Variants in MORC2 observed in about 807,000 individuals in gnomAD.
MORC2 encodes MORC family CW-type zinc finger 2, also known as ATPase MORC2.
Under a neutral mutation model 136.0 loss-of-function variants are expected in MORC2, and 30 were observed. The ratio of observed to expected loss-of-function variants is 0.22; its 90% CI spans 0.17 to 0.30. The LOEUF is 0.30. MORC2 is among the 10% of genes least tolerant of loss of function. MORC2 has a pLI of 1.00. For missense variants in MORC2, 922 were observed against 1,333.1 expected (o/e 0.69, Z 4.80); for synonymous variants, 439 against 487.0 (o/e 0.90, Z 1.30).
chr22:30,955,097 T>TAG (rs1024975184), intron 3 of MORC2, among the ~76,000 whole-genome samples: 12 of 152,078 alleles, frequency 7.9e-5, no homozygotes, highest in Non-Finnish European at 1.5e-4. Context: ...TAGCTGGGAT[T>TAG]AGAGGCATGC....
At chr22:30,962,531 G>A (rs1306576405) in intron 1 of MORC2, among the ~76,000 whole-genome samples, 2 of 151,444 alleles carry the variant, frequency 1.3e-5, no homozygotes, top group Non-Finnish European at 2.9e-5. Context: ...AGAAGCGAGG[G>A]TTGCAGTGAG....
chr22:30,967,595 AG>A, intron 1 of MORC2: 1 of 1,349,762 alleles, frequency 7.4e-7, no homozygotes, highest in Non-Finnish European at 9.5e-7. Context: ...GTTTGCATTT[AG>A]AAAATTTTGA....
intron 4 of MORC2, among the ~76,000 whole-genome samples, chr22:30,950,145 C>T (rs1340428272): frequency 6.6e-6 from 1 of 152,186 alleles, no homozygotes; most frequent in East Asian, 1.9e-4. Flanking sequence ...GACAGGTAAT[C>T]TGATTGACTT....
At chr22:30,963,362 A>G in intron 1 of MORC2, 1 of 968,198 alleles carries the variant, frequency 1.0e-6, no homozygotes, top group Non-Finnish European at 1.2e-6. Context: ...TTTTTTGAAA[A>G]TTCGTTCACT....
chr22:30,948,834 T>C (rs565915372), intron 5 of MORC2, among the ~76,000 whole-genome samples: 8 of 152,262 alleles, frequency 5.3e-5, no homozygotes, highest in South Asian at 4.1e-4. Context: ...GCCTGGCACA[T>C]GGTAAGTGTC....
At chr22:30,950,353 C>CCCAAAAAAAAAAAAA in intron 4 of MORC2, 24 bp downstream of exon 4, 8 of 1,481,900 alleles carry the variant, frequency 5.4e-6, no homozygotes, top group Admixed American at 1.7e-5. Context: ...CCCCACCCCC[C>CCCAAAAAAAAAAAAA]AAAACAATAA....
In MORC2 at chr22:30,956,885, T is replaced by C. The variant is rs914761557; in HGVS notation, c.123-88A>G. 9 of 1,102,306 alleles carry C rather than the reference T, an allele frequency of 8.2e-6. No homozygotes were observed. The South Asian group carries it at 9.3e-5, about 11-fold the overall frequency. 68.3% of individuals were successfully genotyped at this position (1,102,306 alleles called of 1,614,324 possible). A position where few individuals can be genotyped will look rare whatever the true frequency, so the allele number is the denominator to read the frequency against. On this transcript the variant is annotated intron_variant, in intron 2 of 25. Coordinates refer to ENST00000397641, the MANE Select transcript of MORC2 (RefSeq NM_001303256.3). ...AGTGATTTGAGTAGAATGCAGAGTATTTTGAGTCTGTTTTCAGGAAGCCAT... is the reference window on the plus strand; with the variant it reads ...AGTGATTTGAGTAGAATGCAGAGTACTTTGAGTCTGTTTTCAGGAAGCCAT...
Position 30,967,846 on chromosome 22 carries a change from G to A in MORC2, c.44C>T (p.Thr15Ile). 6.4e-7 allele frequency: 1 copy of A among 1,551,162 alleles called. No homozygotes were observed. The highest frequency in any genetic ancestry group is 8.7e-7 in the Non-Finnish European group (1 of 1,147,088). The change falls in exon 1 of 26, where the codon ACC (threonine) becomes ATC (isoleucine). Residue 15 changes from threonine to isoleucine, a missense_variant. Thr to Ile is a moderately conservative substitution (Grantham distance 89). Transcript: ENST00000397641. ...NYSSLNRAQL[T>I]FEYLHTNSTT... is the part of the protein sequence containing the mutation. ...CGAATTTGTGTGCAGATATTCAAAG[G>A]TTAGCTGAGCTCGATTCAGACTGCT... is the stretch of plus-strand genomic sequence containing the variant.
rs543329880 is a variant in MORC2, at chr22:30,950,455, A to C, written c.158-10T>G. On this transcript the variant is annotated splice_polypyrimidine_tract_variant and intron_variant, in intron 3 of 25. Transcript: ENST00000397641. ...AGGTCCTCTCGTCTTTCTGTAAAAGAAGCAGCTGCCATTACTGGGCCGTTA... is the reference window on the plus strand; with the variant it reads ...AGGTCCTCTCGTCTTTCTGTAAAAGCAGCAGCTGCCATTACTGGGCCGTTA... 21 of 1,612,430 alleles carry C rather than the reference A, an allele frequency of 1.3e-5. No individual in the cohort carries two copies. The highest frequency in any genetic ancestry group is 6.7e-5 in the East Asian group (3 of 44,818).
At chr22:30,935,199 T>C (rs1431695088) in intron 18 of MORC2, 38 bp from the exon 19 acceptor site, 1 of 1,612,420 alleles carries the variant, frequency 6.2e-7, no homozygotes, top group Non-Finnish European at 8.5e-7. Context: ...ACACTGATCC[T>C]AGCATGAGAC....
At chr22:30,961,633 T>C (rs1440554072) in intron 1 of MORC2, among the ~76,000 whole-genome samples, 1 of 152,140 alleles carries the variant, frequency 6.6e-6, no homozygotes, top group Non-Finnish European at 1.5e-5. Context: ...AGCACAACCA[T>C]AGTAAGTATG....
In MORC2 at chr22:30,933,511, T is replaced by G. The variant is rs1022082270; in HGVS notation, c.2335A>C (p.Ser779Arg). Residue 779 changes from serine (S) to arginine (R), a missense_variant, in exon 21 of 26, where the codon AGT becomes CGT. Around this residue, in one of 9 missense-constraint regions of MORC2, gnomAD observed 263 missense variants for 388.3 expected, o/e 0.68. Transcript: ENST00000397641. The stretch of plus-strand genomic sequence containing the variant: ...TCAGCCGAGTCCTCTTCCCCAGCAC[T>G]GTCTGAGAGCTGCGTGGAGAGCAGT... ...EKKDSNELSD[S>R]AGEEDSADLK... 1 of 1,613,564 alleles carries G rather than the reference T, an allele frequency of 6.2e-7. No homozygotes were observed. Among genetic ancestry groups the G allele is most frequent in the Non-Finnish European group, 8.5e-7 (1 of 1,179,932 alleles).
Position 30,956,775 on chromosome 22 carries a change from C to A in MORC2, c.145G>T (p.Asp49Tyr). 6.5e-7 allele frequency: 1 copy of A among 1,545,910 alleles called. No individual in the cohort carries two copies. Among genetic ancestry groups the A allele is most frequent in the Admixed American group, 2.0e-5 (1 of 50,708 alleles). The change falls in exon 3 of 26, where the codon GAT becomes TAT. Residue 49 changes from aspartate (D) to tyrosine (Y), a missense_variant. This residue lies in a region of MORC2 where 57 missense variants were observed against 71.8 expected (regional missense o/e 0.79). Transcript: ENST00000397641. ...AAGCCTGACTTACCTGCATAAATAT[C>A]TATTCTGGTGGCATCAGCATCTCTG... ...NARDADATRI[D>Y]IYAERREDLR...
At chr22:30,961,712 A>G (rs923071758) in intron 1 of MORC2, among the ~76,000 whole-genome samples, 1 of 152,246 alleles carries the variant, frequency 6.6e-6, no homozygotes. Flanking sequence ...TTTGGTAGTG[A>G]GAATGGTCAA....
chr22:30,960,928 C>T (rs949197089), intron 1 of MORC2, among the ~76,000 whole-genome samples: 3 of 139,158 alleles, frequency 2.2e-5, no homozygotes, highest in Admixed American at 6.9e-5. Flanking sequence ...GCAAGCGGCG[C>T]AATCTCGGCT....
intron 21 of MORC2, 97 bp from the exon 22 acceptor site, chr22:30,933,127 G>A: frequency 1.3e-6 from 2 of 1,533,506 alleles, no homozygotes; most frequent in Non-Finnish European, 1.8e-6. Context: ...GGGTTTGGAG[G>A]ACAGGAACAC....
At chr22:30,933,572 A>G (rs775535996) in intron 20 of MORC2, 52 bp from the exon 21 acceptor site, 1 of 1,592,766 alleles carries the variant, frequency 6.3e-7, no homozygotes, top group Admixed American at 1.7e-5. Context: ...CCAAGAGCAG[A>G]CTTGTGCCTT....
intron 24 of MORC2, among the ~76,000 whole-genome samples, chr22:30,931,043 C>T (rs965962449): frequency 1.3e-5 from 2 of 152,184 alleles, no homozygotes; most frequent in Non-Finnish European, 2.9e-5. Flanking sequence ...TCCTGACGAC[C>T]TCTGACACAG....
chr22:30,961,345 G>T (rs908949222), intron 1 of MORC2, among the ~76,000 whole-genome samples: 4 of 152,142 alleles, frequency 2.6e-5, no homozygotes, highest in African/African-American at 4.8e-5. Context: ...GGAGAAATAA[G>T]CTTAAAAATT....
Sources: gnomAD v4.1 joint callset for allele counts (sites outside exome capture counted in the v4.1 genomes callset) on GRCh38, gnomAD v4.1.1 for gene constraint, gnomAD v4.1.1 regional missense constraint, MANE v1.5 for transcripts, NCBI Gene and HGNC (gene_info 2026-07-23, HGNC 2026-07-21) for gene names.